Variants in CD82 observed in about 807,000 individuals in gnomAD.
The protein encoded by CD82 is CD82 antigen.
Under a neutral mutation model 37.4 loss-of-function variants are expected in CD82, and 36 were observed. The observed-to-expected ratio is 0.96, with a 90% CI of 0.74 to 1.27. The LOEUF (loss-of-function observed/expected upper bound fraction) is 1.27. CD82 is among the 50% of genes most tolerant of loss of function. CD82 has a pLI of 0.00. For missense variants in CD82, 340 were observed against 347.0 expected (o/e 0.98, Z 0.16); for synonymous variants, 158 against 137.4 (o/e 1.15, Z -1.05).
intron 1 of CD82, among the ~76,000 whole-genome samples, chr11:44,571,017 TCCG>T (rs1215445520): frequency 6.6e-6 from 1 of 152,088 alleles, no homozygotes; most frequent in East Asian, 1.9e-4. Context: ...TTGCCTCTTC[TCCG>T]CCGCCCCACC....
At chr11:44,615,406 GGC>G in intron 7 of CD82, 33 bp downstream of exon 7, 2 of 1,352,342 alleles carry the variant, frequency 1.5e-6, no homozygotes, top group South Asian at 2.3e-5. Context: ...GAGGCTCTCT[GGC>G]CTGGGTGTCC....
chr11:44,573,503 C>T (rs1453261718), intron 1 of CD82, among the ~76,000 whole-genome samples: 1 of 152,268 alleles, frequency 6.6e-6, no homozygotes, highest in East Asian at 1.9e-4. Flanking sequence ...CTCCCTGACC[C>T]CTGGCCTTTC....
At chr11:44,564,439 T>C (rs1402011847), upstream of CD82, 1 of 455,986 alleles carries the variant, frequency 2.2e-6, no homozygotes, top group Non-Finnish European at 4.4e-6. Flanking sequence ...GAGAGGACAT[T>C]GTGATAATGG....
chr11:44,581,778 A>G (rs730129), intron 1 of CD82, among the ~76,000 whole-genome samples: 101,819 of 152,130 alleles, frequency 0.67, 34,279 homozygotes, highest in East Asian at 0.84. Flanking sequence ...GTGTATTCTA[A>G]GAGGAGAGGG....
At chr11:44,570,703 C>G (rs937425080) in intron 1 of CD82, among the ~76,000 whole-genome samples, 1 of 116,050 alleles carries the variant, frequency 8.6e-6, no homozygotes, top group Non-Finnish European at 1.8e-5. Flanking sequence ...TTCTGCTTCT[C>G]TTCCGATGCC....
Position 44,578,767 on chromosome 11 carries a change from CA to C in CD82, c.-102-8707del, listed in dbSNP as rs542240768. Among the ~76,000 whole-genome samples, 31 of 152,226 alleles carry C rather than the reference CA, an allele frequency of 2.0e-4. No individual in the cohort carries two copies. The South Asian group carries it at 3.1e-3, about 15-fold the overall frequency. Reference sequence around the variant, plus strand: ...CGGATGGCTAGGTCCAGGACTGGACCAGGGGGGATGGGGTCCCAGATTTCCA... The same window carrying C: ...CGGATGGCTAGGTCCAGGACTGGACCGGGGGGATGGGGTCCCAGATTTCCA... On this transcript the variant is annotated intron_variant, in intron 1 of 9. Transcript: ENST00000227155.
At chr11:44,599,479 G>A (rs1280015776) in intron 3 of CD82, among the ~76,000 whole-genome samples, 1 of 152,222 alleles carries the variant, frequency 6.6e-6, no homozygotes, top group Non-Finnish European at 1.5e-5. Context: ...TTGCAGTTTG[G>A]TTCATCAGCT....
intron 6 of CD82, among the ~76,000 whole-genome samples, chr11:44,609,627 A>C (rs1302499086): frequency 6.6e-6 from 1 of 152,132 alleles, no homozygotes; most frequent in African/African-American, 2.4e-5. Context: ...ACATACCCTC[A>C]TGTGTGAGAC....
rs1853488235 is a variant in CD82, at chr11:44,611,959, CAG to C, written c.337-3310_337-3309del. Among the ~76,000 whole-genome samples, 11 of 152,352 alleles carry C rather than the reference CAG, an allele frequency of 7.2e-5. No homozygotes were observed. In the South Asian group the frequency reaches 2.3e-3, roughly 32 times the overall value. ...TGTGACAACCACGCTGGGGTTTAAA[CAG>C]AGCCTCAGTGCAACATGTTGTGAGG... On this transcript the variant is annotated intron_variant, in intron 6 of 9. Coordinates refer to ENST00000227155, the MANE Select transcript of CD82 (RefSeq NM_002231.4).
At chr11:44,588,469 G>A (rs1204867034) in intron 2 of CD82, among the ~76,000 whole-genome samples, 7 of 152,164 alleles carry the variant, frequency 4.6e-5, no homozygotes, top group Admixed American at 1.3e-4. Context: ...TGATCCGCCC[G>A]CCTCGACCTC....
chr11:44,600,191 T>C lies in CD82; in HGVS notation c.97T>C (p.Trp33Arg), dbSNP rs1278253973. Reference sequence around the variant, plus strand: ...CGCAGTGATCCTGGGCTTCGGGGTGTGGATCCTGGCCGACAAGAGCAGTTT... The same window carrying C: ...CGCAGTGATCCTGGGCTTCGGGGTGCGGATCCTGGCCGACAAGAGCAGTTT... ...LGAVILGFGV[W>R]ILADKSSFIS... The change falls in exon 4 of 10, where the codon TGG (tryptophan) becomes CGG (arginine). Residue 33 changes from tryptophan to arginine, a missense_variant. Transcript: ENST00000227155. 1.2e-6 allele frequency: 2 copies of C among 1,614,004 alleles called. No homozygotes were observed. Among genetic ancestry groups the C allele is most frequent in the Non-Finnish European group, 1.7e-6 (2 of 1,180,008 alleles).
intron 1 of CD82, chr11:44,585,214 C>A (rs1427348940): frequency 2.2e-6 from 1 of 456,260 alleles, no homozygotes; most frequent in South Asian, 1.5e-5. Flanking sequence ...TGGCTAGAGA[C>A]TGGATCAGGC....
Position 44,594,717 on chromosome 11 carries a change from A to G in CD82, c.55A>G (p.Ile19Val), listed in dbSNP as rs1853196045. 6.2e-7 allele frequency: 1 copy of G among 1,613,290 alleles called. No homozygotes were observed. Among genetic ancestry groups the G allele is most frequent in the Admixed American group, 1.7e-5 (1 of 60,010 alleles). ...TKYFLFLFNL[I>V]FFILGAVILG... is the part of the protein sequence containing the mutation. ...ATACTTTCTCTTCCTCTTCAACTTG[A>G]TCTTCTTTGTAAGTATGTCCCATGC... Residue 19 changes from isoleucine (I) to valine (V), a missense_variant, in exon 3 of 10, where the codon ATC becomes GTC. Coordinates refer to ENST00000227155, the MANE Select transcript of CD82 (RefSeq NM_002231.4).
upstream of CD82, among the ~76,000 whole-genome samples, chr11:44,564,976 C>T (rs2134602839): frequency 6.6e-6 from 1 of 152,360 alleles, no homozygotes; most frequent in South Asian, 2.1e-4. Flanking sequence ...GAGCCTGGCC[C>T]CTGGCAAGGA....
chr11:44,575,787 G>T (rs1852882616), intron 1 of CD82, among the ~76,000 whole-genome samples: 1 of 152,084 alleles, frequency 6.6e-6, no homozygotes, highest in African/African-American at 2.4e-5. Context: ...TGTGTCCTTT[G>T]TATATATTGG....
intron 1 of CD82, chr11:44,587,154 G>GT (rs1184383288): frequency 1.8e-5 from 6 of 340,054 alleles, no homozygotes; most frequent in Non-Finnish European, 3.5e-5. Flanking sequence ...TAGATTGGGT[G>GT]TTTAGGGAGG....
In CD82 at chr11:44,618,191, C is replaced by A. The variant is rs758448103; in HGVS notation, c.468C>A (p.Tyr156Ter). The part of the protein sequence containing the change: ...QVKCCGWVSF[Y>*]NWTDNAELMN... ...AGTGCTGCGGCTGGGTCAGCTTCTACAACTGGACAGACAACGCTGAGCTCA... is the reference window on the plus strand; with the variant it reads ...AGTGCTGCGGCTGGGTCAGCTTCTAAAACTGGACAGACAACGCTGAGCTCA... The change falls in exon 8 of 10, where the codon TAC becomes TAA. Residue 156 changes from tyrosine (Y) to a stop codon, truncating the protein, a stop_gained. Transcript: ENST00000227155. LOFTEE classifies it high-confidence loss of function. The A allele has an allele frequency of 6.2e-7, 1 of 1,613,988 alleles. No homozygotes were observed.
chr11:44,585,859 A>G (rs1853046986), intron 1 of CD82, among the ~76,000 whole-genome samples: 1 of 152,218 alleles, frequency 6.6e-6, no homozygotes, highest in African/African-American at 2.4e-5. Flanking sequence ...TGAAAAACGC[A>G]GTGATCTCAA....
chr11:44,573,006 G>A lies in CD82; in HGVS notation c.-103+7270G>A, dbSNP rs191913158. ...ACAGCCCAGACAGAACTCTCCCTGC[G>A]GGCAATTTGGCTCTGCGAGGGGCGG... On this transcript the variant is annotated intron_variant, in intron 1 of 9. Coordinates refer to ENST00000227155, the MANE Select transcript of CD82 (RefSeq NM_002231.4). The A allele has an allele frequency of 2.7e-4, 41 of 152,402 alleles. 1 individual carries two copies. The highest frequency in any genetic ancestry group is 1.6e-3 in the Admixed American group (24 of 15,310). 9.4% of individuals were successfully genotyped at this position (152,402 alleles called of 1,614,324 possible).
Sources: allele counts gnomAD v4.1 joint callset (sites outside exome capture counted in the v4.1 genomes callset), GRCh38; gene constraint gnomAD v4.1.1; transcripts MANE v1.5; gene names NCBI Gene and HGNC (gene_info 2026-07-23, HGNC 2026-07-21).